Variants in ST6GALNAC5 observed in about 807,000 individuals in gnomAD.
ST6GALNAC5 encodes the protein alpha-N-acetylgalactosaminide alpha-2,6-sialyltransferase 5.
Under a neutral mutation model 33.6 loss-of-function variants are expected in ST6GALNAC5, and 27 were observed. The observed-to-expected ratio is 0.80, with a 90% confidence interval of 0.59 to 1.11. ST6GALNAC5 has a LOEUF of 1.11. ST6GALNAC5 is among the 50% of genes least tolerant of loss of function. The probability of loss-of-function intolerance (pLI) is 0.00; values close to 1 mark genes in which losing one functional copy is unlikely to be tolerated. For missense variants in ST6GALNAC5, 428 were observed against 454.0 expected (o/e 0.94, Z 0.52); for synonymous variants, 194 against 171.2 (o/e 1.13, Z -1.04).
At chr1:77,062,608 G>A (rs571874239) in intron 4 of ST6GALNAC5, among the ~76,000 whole-genome samples, 5 of 152,206 alleles carry the variant, frequency 3.3e-5, no homozygotes, top group Admixed American at 2.0e-4. Context: ...AGTGGAGTGG[G>A]GAATGGGAAT....
intron 2 of ST6GALNAC5, among the ~76,000 whole-genome samples, chr1:76,915,912 A>G (rs59505955): frequency 0.48 from 70,836 of 147,340 alleles, 17,267 homozygotes; most frequent in African/African-American, 0.58. Context: ...TTCCTTGGAT[A>G]ATAATAATAA....
chr1:76,903,415 T>A (rs1054995624), intron 2 of ST6GALNAC5, among the ~76,000 whole-genome samples: 12 of 152,124 alleles, frequency 7.9e-5, no homozygotes, highest in African/African-American at 1.4e-4. Context: ...AGAAATTAGA[T>A]CTCTCATACA....
intron 4 of ST6GALNAC5, 151 bp downstream of exon 4, chr1:77,050,516 C>G (rs919232349): frequency 3.0e-6 from 2 of 656,484 alleles, no homozygotes; most frequent in Non-Finnish European, 5.1e-6. Flanking sequence ...AAACAACAAA[C>G]AGCATTTAAT....
At position 77,065,898 on chromosome 1, in the gene ST6GALNAC5, T is replaced by C. The variant is rs529029663; in HGVS notation, c.*2692T>C. Among the ~76,000 whole-genome samples the C allele has an allele frequency of 9.2e-5, 14 of 152,338 alleles. No individual in the cohort carries two copies. The South Asian group carries it at 2.1e-3, about 23-fold the overall frequency. ...TGGTCGATCCATGGCTTCTGTTATT[T>C]CAACACAAGAACATTTGGCAGAGGC... is the stretch of plus-strand genomic sequence containing the variant. On this transcript the variant is annotated 3_prime_UTR_variant, in exon 5 of 5. Transcript: ENST00000477717.
At chr1:76,901,482 T>C (rs1266286361) in intron 2 of ST6GALNAC5, among the ~76,000 whole-genome samples, 8 of 152,220 alleles carry the variant, frequency 5.3e-5, no homozygotes, top group Admixed American at 4.6e-4. Context: ...GAGTCTACCA[T>C]AGTATCATTT....
intron 2 of ST6GALNAC5, among the ~76,000 whole-genome samples, chr1:76,924,453 C>A (rs1213286419): frequency 3.9e-5 from 6 of 152,136 alleles, no homozygotes; most frequent in African/African-American, 1.4e-4. Flanking sequence ...TTTAATAGAT[C>A]AAACTTTGTG....
chr1:77,004,797 G>T (rs1205245062), intron 2 of ST6GALNAC5, among the ~76,000 whole-genome samples: 1 of 129,446 alleles, frequency 7.7e-6, no homozygotes, highest in Non-Finnish European at 1.8e-5. Flanking sequence ...TCCCAGTTAG[G>T]CTGCTCGGGG....
At chr1:76,897,768 A>T (rs1646767248) in intron 2 of ST6GALNAC5, among the ~76,000 whole-genome samples, 1 of 151,664 alleles carries the variant, frequency 6.6e-6, no homozygotes, top group South Asian at 2.1e-4. Flanking sequence ...GCAGGTGGGG[A>T]TAACTAAAAA....
chr1:76,959,374 GT>G (rs1452795156), intron 2 of ST6GALNAC5, among the ~76,000 whole-genome samples: 1 of 152,054 alleles, frequency 6.6e-6, no homozygotes, highest in Non-Finnish European at 1.5e-5. Context: ...TCTTTTTGTG[GT>G]TTGCTTTTTA....
intron 2 of ST6GALNAC5, among the ~76,000 whole-genome samples, chr1:76,986,876 A>G (rs1256469475): frequency 6.6e-6 from 1 of 152,198 alleles, no homozygotes; most frequent in African/African-American, 2.4e-5. Context: ...AGGGACATGG[A>G]TGTGACTGGA....
At chr1:76,875,593 G>T (rs933223010) in intron 2 of ST6GALNAC5, among the ~76,000 whole-genome samples, 3 of 152,102 alleles carry the variant, frequency 2.0e-5, no homozygotes, top group Admixed American at 2.0e-4. Flanking sequence ...AGATGGCAGC[G>T]TTCCTCTCTC....
intron 2 of ST6GALNAC5, among the ~76,000 whole-genome samples, chr1:77,036,956 G>T (rs556153433): frequency 7.9e-5 from 12 of 152,316 alleles, no homozygotes; most frequent in African/African-American, 2.6e-4. Context: ...AGTGGTCAAG[G>T]AAAGCCTCCC....
At chr1:76,972,299 G>A (rs4949759) in intron 2 of ST6GALNAC5, among the ~76,000 whole-genome samples, 14,202 of 152,070 alleles carry the variant, frequency 0.093, 1,547 homozygotes, top group African/African-American at 0.26. Context: ...ACCTCACCCT[G>A]TGATTCAATT....
chr1:76,953,900 A>G (rs773194215), intron 2 of ST6GALNAC5, among the ~76,000 whole-genome samples: 10 of 152,076 alleles, frequency 6.6e-5, no homozygotes, highest in Non-Finnish European at 1.5e-4. Context: ...TGTTTGTTCA[A>G]AGTTATCCCT....
At position 77,066,700 on chromosome 1, in the gene ST6GALNAC5, C is replaced by A. The variant is rs1034142555; in HGVS notation, c.*3494C>A. Among the ~76,000 whole-genome samples, 3 of 152,214 alleles carry A rather than the reference C, an allele frequency of 2.0e-5. No homozygotes were observed. Among genetic ancestry groups the A allele is most frequent in the Non-Finnish European group, 2.9e-5 (2 of 68,036 alleles). On this transcript the variant is annotated 3_prime_UTR_variant, in exon 5 of 5. Coordinates refer to ENST00000477717, the MANE Select transcript of ST6GALNAC5 (RefSeq NM_030965.3). The stretch of plus-strand genomic sequence containing the variant: ...AAGGGTCCATGTTCCTATTCTCTCT[C>A]TGCAGTGTTGGGAGGTGATGTTAAC...
chr1:77,048,352 G>T (rs1019725034), intron 3 of ST6GALNAC5, among the ~76,000 whole-genome samples: 4 of 152,102 alleles, frequency 2.6e-5, no homozygotes, highest in African/African-American at 7.2e-5. Flanking sequence ...CCTCTTCCTG[G>T]GTTCCACATC....
intron 2 of ST6GALNAC5, among the ~76,000 whole-genome samples, chr1:77,000,842 T>C (rs1330338342): frequency 1.3e-5 from 2 of 152,194 alleles, no homozygotes; most frequent in East Asian, 3.9e-4. Flanking sequence ...TTTTGTTCCA[T>C]TGATCTATAT....
At chr1:77,033,054 AG>A (rs1442810358) in intron 2 of ST6GALNAC5, among the ~76,000 whole-genome samples, 1 of 152,156 alleles carries the variant, frequency 6.6e-6, no homozygotes, top group East Asian at 1.9e-4. Flanking sequence ...ATCTCTTCCT[AG>A]AGGAAGTAAT....
Position 76,978,287 on chromosome 1 carries a change from A to T in ST6GALNAC5, c.262-65917A>T, listed in dbSNP as rs531573078. ...TTCTGTAGGTTGTTTTTTCACTCTG[A>T]TTTTTTTCCTGTGCTGTACAGAAGC... On this transcript the variant is annotated intron_variant, in intron 2 of 4. Coordinates refer to ENST00000477717, the MANE Select transcript of ST6GALNAC5 (RefSeq NM_030965.3). Among the ~76,000 whole-genome samples the T allele has an allele frequency of 1.2e-3, 179 of 152,108 alleles. 1 individual carries two copies. Among genetic ancestry groups the T allele is most frequent in the African/African-American group, 4.2e-3 (176 of 41,502 alleles).
Sources: allele counts gnomAD v4.1 joint callset (sites outside exome capture counted in the v4.1 genomes callset), GRCh38; gene constraint gnomAD v4.1.1; transcripts MANE v1.5; gene names NCBI Gene and HGNC (gene_info 2026-07-23, HGNC 2026-07-21).